LRRC3B: variants seen among roughly 807,000 people sequenced by gnomAD.
LRRC3B encodes the protein leucine rich repeat containing 3B.
In LRRC3B, 2 loss-of-function variants were observed where a neutral mutation model predicts 12.8. The observed-to-expected ratio is 0.16, with a 90% CI of 0.06 to 0.49. The LOEUF (loss-of-function observed/expected upper bound fraction) is 0.49. LRRC3B is among the 20% of genes least tolerant of loss of function. The pLI is 0.96. For synonymous variants in LRRC3B, 132 were observed against 122.0 expected (o/e 1.08, Z -0.54); for missense variants, 189 against 319.4 (o/e 0.59, Z 3.11).
At chr3:26,627,259 C>G (rs1411318571) in intron 1 of LRRC3B, among the ~76,000 whole-genome samples, 1 of 152,086 alleles carries the variant, frequency 6.6e-6, no homozygotes, top group Admixed American at 6.5e-5. Flanking sequence ...GGATGTCCTC[C>G]CCTTGGAGAC....
intron 1 of LRRC3B, among the ~76,000 whole-genome samples, chr3:26,632,825 C>T (rs555064434): frequency 2.4e-4 from 36 of 152,178 alleles, no homozygotes; most frequent in African/African-American, 7.9e-4. Flanking sequence ...TGTTACCTGT[C>T]GCTTTACCTG....
intron 1 of LRRC3B, among the ~76,000 whole-genome samples, chr3:26,705,629 T>C (rs73150445): frequency 7.8e-4 from 119 of 152,136 alleles, no homozygotes; most frequent in African/African-American, 2.7e-3. Flanking sequence ...CAGCATAGCT[T>C]GTTTACTGCT....
At chr3:26,707,130 T>A (rs1246066395) in intron 1 of LRRC3B, among the ~76,000 whole-genome samples, 1 of 150,396 alleles carries the variant, frequency 6.6e-6, no homozygotes, top group Admixed American at 6.6e-5. Context: ...GGCAGGTAGA[T>A]CACTTAAGGT....
intron 1 of LRRC3B, among the ~76,000 whole-genome samples, chr3:26,680,618 A>G (rs1369541455): frequency 6.6e-6 from 1 of 152,236 alleles, no homozygotes; most frequent in Non-Finnish European, 1.5e-5. Flanking sequence ...CCTACTCTAC[A>G]TCCCAGTATT....
intron 1 of LRRC3B, among the ~76,000 whole-genome samples, chr3:26,677,702 AAC>A (rs543831196): frequency 1.1e-3 from 166 of 152,344 alleles, no homozygotes; most frequent in African/African-American, 3.9e-3. Context: ...CAACCAAAGA[AAC>A]ACATGTATAC....
chr3:26,710,473 G>GAGAA (rs748999768), exon 2 of LRRC3B: 1 of 1,532,770 alleles, frequency 6.5e-7, no homozygotes, highest in Non-Finnish European at 8.8e-7. Context: ...GACTGTCATT[G>GAGAA]AGAAAGAAAG....
At chr3:26,667,991 A>G (rs985328657) in intron 1 of LRRC3B, among the ~76,000 whole-genome samples, 37 of 152,026 alleles carry the variant, frequency 2.4e-4, no homozygotes, top group African/African-American at 8.7e-4. Context: ...TTTTTACTCA[A>G]CATTGTTTTG....
chr3:26,648,649 G>T (rs747231783), intron 1 of LRRC3B, among the ~76,000 whole-genome samples: 1 of 152,076 alleles, frequency 6.6e-6, no homozygotes, highest in Non-Finnish European at 1.5e-5. Flanking sequence ...TACCATATGG[G>T]CTCTCTTTGT....
At chr3:26,707,353 A>C (rs921399684) in intron 1 of LRRC3B, among the ~76,000 whole-genome samples, 2 of 152,032 alleles carry the variant, frequency 1.3e-5, no homozygotes, top group Non-Finnish European at 2.9e-5. Flanking sequence ...GCAACAGAGC[A>C]AGATTCCATC....
At chr3:26,671,350 G>GTATGTATATA (rs1553603719) in intron 1 of LRRC3B, among the ~76,000 whole-genome samples, 41 of 56,752 alleles carry the variant, frequency 7.2e-4, no homozygotes, top group Non-Finnish European at 7.4e-4. Context: ...ATATATGTGT[G>GTATGTATATA]TATATATATA....
intron 1 of LRRC3B, among the ~76,000 whole-genome samples, chr3:26,645,828 T>A (rs1352574754): frequency 6.6e-6 from 1 of 152,170 alleles, no homozygotes; most frequent in African/African-American, 2.4e-5. Context: ...TCTGAGGAGA[T>A]GGCCAACCAT....
intron 1 of LRRC3B, among the ~76,000 whole-genome samples, chr3:26,688,462 G>A (rs1237803421): frequency 6.6e-6 from 1 of 152,172 alleles, no homozygotes; most frequent in Admixed American, 6.5e-5. Flanking sequence ...ACGAAAAGAA[G>A]TTTAATTTGC....
chr3:26,689,339 A>G (rs1433075427), intron 1 of LRRC3B, among the ~76,000 whole-genome samples: 2 of 152,170 alleles, frequency 1.3e-5, no homozygotes, highest in African/African-American at 4.8e-5. Flanking sequence ...CCAGGCTAGC[A>G]TCACAGGTTC....
chr3:26,681,380 C>G (rs1699966823), intron 1 of LRRC3B, among the ~76,000 whole-genome samples: 1 of 152,208 alleles, frequency 6.6e-6, no homozygotes, highest in Admixed American at 6.5e-5. Context: ...CATGCAACCT[C>G]TCTTCCTCAC....
chr3:26,691,602 C>G (rs1700195905), intron 1 of LRRC3B, among the ~76,000 whole-genome samples: 2 of 152,088 alleles, frequency 1.3e-5, no homozygotes, highest in Non-Finnish European at 2.9e-5. Context: ...AATCAGCATC[C>G]AGGTGTCAGT....
At chr3:26,650,517 G>A (rs1027009250) in intron 1 of LRRC3B, among the ~76,000 whole-genome samples, 2 of 152,244 alleles carry the variant, frequency 1.3e-5, no homozygotes, top group Admixed American at 6.5e-5. Flanking sequence ...AGCACACCCT[G>A]GATACAGGCA....
chr3:26,672,970 T>A (rs1699782002), intron 1 of LRRC3B, among the ~76,000 whole-genome samples: 1 of 152,222 alleles, frequency 6.6e-6, no homozygotes, highest in African/African-American at 2.4e-5. Flanking sequence ...GGGTTCTGGT[T>A]GGCGAAGTAG....
intron 1 of LRRC3B, among the ~76,000 whole-genome samples, chr3:26,643,002 C>T (rs915391060): frequency 5.8e-5 from 8 of 137,062 alleles, no homozygotes; most frequent in African/African-American, 9.3e-5. Context: ...GGTGACAGAG[C>T]GAGACTCCGT....
chr3:26,631,052 C>T (rs942513439), intron 1 of LRRC3B, among the ~76,000 whole-genome samples: 1 of 152,118 alleles, frequency 6.6e-6, no homozygotes, highest in Non-Finnish European at 1.5e-5. Context: ...TCTTAGGGAT[C>T]AAGACTGTGG....
Sources: allele counts gnomAD v4.1 joint callset (sites outside exome capture counted in the v4.1 genomes callset), GRCh38; gene constraint gnomAD v4.1.1; transcripts MANE v1.5; gene names NCBI Gene and HGNC (gene_info 2026-07-23, HGNC 2026-07-21).